HS6ST3: variants seen among roughly 807,000 people sequenced by gnomAD.
The protein encoded by HS6ST3 is heparan-sulfate 6-O-sulfotransferase 3.
In HS6ST3, 12 loss-of-function variants were observed where a neutral mutation model predicts 36.7. That is an observed-to-expected ratio of 0.33 (90% CI 0.21 to 0.53). The LOEUF is 0.53. Among genes scored for constraint, HS6ST3 ranks in the 20% least tolerant of loss-of-function variants. HS6ST3 has a pLI of 0.95. For missense variants in HS6ST3, 584 were observed against 640.9 expected (o/e 0.91, Z 0.96); for synonymous variants, 240 against 257.5 (o/e 0.93, Z 0.65).
chr13:96,094,774 A>C (rs2053781943), intron 1 of HS6ST3, among the ~76,000 whole-genome samples: 1 of 152,186 alleles, frequency 6.6e-6, no homozygotes, highest in Non-Finnish European at 1.5e-5. Flanking sequence ...CACAGAGGTA[A>C]CTTCTGACCA....
chr13:96,580,308 A>G (rs1014141393), intron 1 of HS6ST3, among the ~76,000 whole-genome samples: 2 of 151,280 alleles, frequency 1.3e-5, no homozygotes, highest in African/African-American at 4.8e-5. Flanking sequence ...ATTTCTGTAT[A>G]ACATTATCAT....
intron 1 of HS6ST3, among the ~76,000 whole-genome samples, chr13:96,267,052 G>A (rs575946379): frequency 1.3e-5 from 2 of 152,192 alleles, no homozygotes; most frequent in African/African-American, 4.8e-5. Context: ...TCCTCGGAGC[G>A]GGTTTTTTGT....
chr13:96,270,445 A>G (rs2139387990), intron 1 of HS6ST3, among the ~76,000 whole-genome samples: 1 of 152,132 alleles, frequency 6.6e-6, no homozygotes, highest in South Asian at 2.1e-4. Context: ...ATTAGTGATT[A>G]TACACATTCA....
rs188431469 is a variant in HS6ST3, at chr13:96,428,666, T to C, written c.707+337097T>C. 4.8e-3 allele frequency among the ~76,000 whole-genome samples: 725 copies of C among 152,296 alleles called. 1 individual carries two copies. The highest frequency in any genetic ancestry group is 0.013 in the Admixed American group (200 of 15,296). On this transcript the variant is annotated intron_variant, in intron 1 of 1. Transcript: ENST00000376705. Reference sequence around the variant, plus strand: ...TCAAATAATGTCAGGTACAAGGAGATAGGACTTCAATATATGAATTTGGGG... The same window carrying C: ...TCAAATAATGTCAGGTACAAGGAGACAGGACTTCAATATATGAATTTGGGG...
chr13:96,598,902 A>G (rs1452086632), intron 1 of HS6ST3, among the ~76,000 whole-genome samples: 2 of 152,020 alleles, frequency 1.3e-5, no homozygotes, highest in Non-Finnish European at 2.9e-5. Context: ...GATTTTATCA[A>G]TATTTTTCTT....
chr13:96,642,690 G>A lies in HS6ST3; in HGVS notation c.708-189800G>A, dbSNP rs1373223063. ...GTTGTGCCTTGAGCCATGTAGTGATGTTTCTACTTCAATTATTCTTTTTGC... is the reference window on the plus strand; with the variant it reads ...GTTGTGCCTTGAGCCATGTAGTGATATTTCTACTTCAATTATTCTTTTTGC... On this transcript the variant is annotated intron_variant, in intron 1 of 1. Coordinates refer to ENST00000376705, the MANE Select transcript of HS6ST3 (RefSeq NM_153456.4). Among the ~76,000 whole-genome samples the A allele has an allele frequency of 2.6e-5, 4 of 151,760 alleles. No individual in the cohort carries two copies. The East Asian group carries it at 7.8e-4, about 29-fold the overall frequency.
intron 1 of HS6ST3, among the ~76,000 whole-genome samples, chr13:96,411,870 T>C (rs8002948): frequency 0.012 from 1,891 of 152,214 alleles, 33 homozygotes; most frequent in African/African-American, 0.044. Context: ...AAGAAATCTA[T>C]AATGACTTGT....
chr13:96,387,878 G>T (rs922468249), intron 1 of HS6ST3, among the ~76,000 whole-genome samples: 2 of 152,084 alleles, frequency 1.3e-5, no homozygotes, highest in Non-Finnish European at 2.9e-5. Context: ...GTGCTTCAGG[G>T]GCCATTTGCA....
intron 1 of HS6ST3, among the ~76,000 whole-genome samples, chr13:96,481,346 T>C (rs2055889312): frequency 6.6e-6 from 1 of 152,218 alleles, no homozygotes. Context: ...GTTCCCTGCT[T>C]TTCCTCCTGT....
At chr13:96,266,094 A>G (rs1364664119) in intron 1 of HS6ST3, among the ~76,000 whole-genome samples, 1 of 152,126 alleles carries the variant, frequency 6.6e-6, no homozygotes, top group East Asian at 1.9e-4. Flanking sequence ...CTTAGCAAGT[A>G]TGGATGCAAG....
rs998454189 is a variant in HS6ST3 at position 96,837,489 on chromosome 13, C to T, written c.*4291C>T. The T allele has an allele frequency of 6.6e-5, 10 of 152,118 alleles. No homozygotes were observed. Among genetic ancestry groups the T allele is most frequent in the African/African-American group, 9.7e-5 (4 of 41,406 alleles). 9.4% of individuals were successfully genotyped at this position (152,118 alleles called of 1,614,324 possible). ...CAGCCTTTTGACTTCATAGTCTTTCCGACTACTTTATGCAGCTCAGCATCA... is the reference window on the plus strand; with the variant it reads ...CAGCCTTTTGACTTCATAGTCTTTCTGACTACTTTATGCAGCTCAGCATCA... On this transcript the variant is annotated 3_prime_UTR_variant, in exon 2 of 2. Coordinates refer to ENST00000376705, the MANE Select transcript of HS6ST3 (RefSeq NM_153456.4).
intron 1 of HS6ST3, among the ~76,000 whole-genome samples, chr13:96,467,971 A>G (rs1415438691): frequency 6.6e-6 from 1 of 152,200 alleles, no homozygotes; most frequent in Non-Finnish European, 1.5e-5. Flanking sequence ...ATTAGTCAGT[A>G]TCAACATTGT....
intron 1 of HS6ST3, among the ~76,000 whole-genome samples, chr13:96,318,106 G>A (rs895489840): frequency 5.3e-5 from 8 of 152,022 alleles, no homozygotes; most frequent in Non-Finnish European, 1.2e-4. Flanking sequence ...TTGGGGACTT[G>A]GCCAAAAATT....
At chr13:96,170,401 A>G (rs538943912) in intron 1 of HS6ST3, among the ~76,000 whole-genome samples, 2 of 152,368 alleles carry the variant, frequency 1.3e-5, no homozygotes, top group East Asian at 1.9e-4. Flanking sequence ...CTTTAAATAG[A>G]GAATAGCAAC....
chr13:96,458,203 G>T (rs2055763695), intron 1 of HS6ST3, among the ~76,000 whole-genome samples: 1 of 152,200 alleles, frequency 6.6e-6, no homozygotes, highest in Admixed American at 6.5e-5. Flanking sequence ...CTATGCTCAA[G>T]GGTAATGGTT....
intron 1 of HS6ST3, among the ~76,000 whole-genome samples, chr13:96,560,278 A>C (rs2056257014): frequency 6.6e-6 from 1 of 152,220 alleles, no homozygotes; most frequent in Admixed American, 6.5e-5. Context: ...ACCTTATGAG[A>C]ATTAAATGAT....
intron 1 of HS6ST3, among the ~76,000 whole-genome samples, chr13:96,535,517 C>T (rs2056151937): frequency 7.0e-6 from 1 of 143,510 alleles, no homozygotes; most frequent in African/African-American, 2.6e-5. Flanking sequence ...GAGATCTCAC[C>T]ATTGCACTCC....
intron 1 of HS6ST3, among the ~76,000 whole-genome samples, chr13:96,339,239 G>T (rs371826815): frequency 1.3e-5 from 2 of 152,174 alleles, no homozygotes; most frequent in East Asian, 3.9e-4. Context: ...ACAGTATTAA[G>T]TTGGCAAACT....
At chr13:96,289,975 T>C (rs1431820860) in intron 1 of HS6ST3, among the ~76,000 whole-genome samples, 1 of 152,116 alleles carries the variant, frequency 6.6e-6, no homozygotes, top group African/African-American at 2.4e-5. Context: ...TTTCTCCCCA[T>C]ATGACCCTTC....
Sources: allele counts gnomAD v4.1 joint callset (sites outside exome capture counted in the v4.1 genomes callset), GRCh38; gene constraint gnomAD v4.1.1; transcripts MANE v1.5; gene names NCBI Gene and HGNC (gene_info 2026-07-23, HGNC 2026-07-21).